The following ZNF91 variants were observed in gnomAD, a reference collection of about 807,000 sequenced individuals.
The protein encoded by ZNF91 is zinc finger protein 91.
ZNF91 carries 7 observed loss-of-function variants against 12.6 expected under a neutral mutation model. The observed-to-expected ratio is 0.55, with a 90% CI of 0.31 to 1.04. The LOEUF is 1.04. Among genes scored for constraint, ZNF91 ranks in the 50% least tolerant of loss-of-function variants. The pLI is 0.05. For missense variants in ZNF91, 1,217 were observed against 1,385.4 expected, an observed-to-expected ratio of 0.88 and a Z score of 1.93; for synonymous variants, 453 against 462.6, an observed-to-expected ratio of 0.98 and a Z score of 0.27.
At chr19:23,365,270 G>A (rs145080033) in intron 3 of ZNF91, among the ~76,000 whole-genome samples, 176 of 149,856 alleles carry the variant, frequency 1.2e-3, no homozygotes, top group African/African-American at 4.0e-3. Flanking sequence ...AAAAGTGAGC[G>A]TGTTCATCAC....
chr19:23,344,712 A>G (rs1274788685), intron 3 of ZNF91, among the ~76,000 whole-genome samples: 4 of 152,176 alleles, frequency 2.6e-5, no homozygotes, highest in African/African-American at 4.8e-5. Flanking sequence ...AGCAACCCCA[A>G]TAAGAATGTT....
chr19:23,385,393 G>A (rs972511982), intron 1 of ZNF91: 30 of 320,286 alleles, frequency 9.4e-5, no homozygotes, highest in Admixed American at 1.9e-4. Context: ...TTGCAGTTTT[G>A]TGATGGGTTT....
chr19:23,310,716 T>C (rs1054635506), upstream of ZNF91: 2 of 152,154 alleles, frequency 1.3e-5, no homozygotes, highest in Non-Finnish European at 2.9e-5. Context: ...GATGTGACTC[T>C]ACTCTTTCCT....
rs531781218 is a variant in ZNF91, at chr19:23,348,918, C to T, written c.254-9864G>A. On this transcript the variant is annotated intron_variant, in intron 3 of 3. Transcript: ENST00000599743. ...TTCCCAGGGGTAGGCCTACAGATGA[C>T]TGTTCTGGGAGTGTCTGTCTTATGC... Among the ~76,000 whole-genome samples the T allele has an allele frequency of 2.0e-5, 3 of 152,226 alleles. No individual in the cohort carries two copies. The South Asian group carries it at 6.2e-4, about 32-fold the overall frequency.
At chr19:23,355,034 C>T (rs1968451676), downstream of ZNF91, among the ~76,000 whole-genome samples, 1 of 152,102 alleles carries the variant, frequency 6.6e-6, no homozygotes, top group Non-Finnish European at 1.5e-5. Flanking sequence ...GACCATACTG[C>T]CAAAAGCAAT....
chr19:23,384,766 G>A (rs1338239110), intron 1 of ZNF91: 7 of 637,030 alleles, frequency 1.1e-5, no homozygotes, highest in East Asian at 8.4e-5. Context: ...TCAGCTCCCC[G>A]GGCATAGTAA....
At chr19:23,376,832 C>G (rs910062219) in intron 1 of ZNF91, among the ~76,000 whole-genome samples, 2 of 152,112 alleles carry the variant, frequency 1.3e-5, no homozygotes, top group African/African-American at 4.8e-5. Flanking sequence ...ACATGTTTAG[C>G]TGAAAAAAAG....
intron 3 of ZNF91, among the ~76,000 whole-genome samples, chr19:23,368,510 A>ATC (rs573590418): frequency 7.2e-4 from 68 of 94,314 alleles, no homozygotes; most frequent in Admixed American, 1.7e-3. Flanking sequence ...GCGAAACTCC[A>ATC]TCTCTCTCTC....
Position 23,359,383 on chromosome 19 carries a change from C to T in ZNF91, c.*20G>A, listed in dbSNP as rs559032423. ...GACTACAGGCGCCCGCCACCACGCC[C>T]GGCTAATTTTTTGTATTTTTTAGTA... is the stretch of plus-strand genomic sequence containing the variant. On this transcript the variant is annotated 3_prime_UTR_variant, in exon 4 of 4. Coordinates refer to ENST00000300619, the MANE Select transcript of ZNF91 (RefSeq NM_003430.4). 7.2e-5 allele frequency: 62 copies of T among 858,322 alleles called. No homozygotes were observed. Among genetic ancestry groups the T allele is most frequent in the Non-Finnish European group, 8.8e-5 (49 of 558,456 alleles). The allele number at this position is 858,322 out of a possible 1,614,324, so 53.2% of individuals were successfully genotyped here. A position where few individuals can be genotyped will look rare whatever the true frequency, so the allele number is the denominator to read the frequency against.
chr19:23,322,778 T>C (rs1365642959), intron 1 of ZNF91, among the ~76,000 whole-genome samples: 1 of 139,186 alleles, frequency 7.2e-6, no homozygotes, highest in Admixed American at 7.2e-5. Flanking sequence ...CTTTCTCCCC[T>C]CTTCTTCCTC....
intron 3 of ZNF91, among the ~76,000 whole-genome samples, chr19:23,347,466 C>T (rs1968259147): frequency 6.6e-6 from 1 of 152,060 alleles, no homozygotes; most frequent in Admixed American, 6.5e-5. Context: ...ACAAGTAGCC[C>T]TACAACCTGT....
chr19:23,323,553 T>C (rs1346450570), intron 1 of ZNF91, among the ~76,000 whole-genome samples: 2 of 150,692 alleles, frequency 1.3e-5, no homozygotes, highest in African/African-American at 4.9e-5. Flanking sequence ...TCTCTCCTCT[T>C]CCTTTTTCCT....
intron 3 of ZNF91, among the ~76,000 whole-genome samples, chr19:23,341,795 A>G (rs1968130529): frequency 6.6e-6 from 1 of 152,184 alleles, no homozygotes; most frequent in Non-Finnish European, 1.5e-5. Flanking sequence ...CTCCTCTTAC[A>G]CATTTCAGAC....
At chr19:23,379,579 T>C (rs1969621553) in intron 1 of ZNF91, among the ~76,000 whole-genome samples, 1 of 152,218 alleles carries the variant, frequency 6.6e-6, no homozygotes, top group Admixed American at 6.5e-5. Context: ...TAGTTCATCC[T>C]AAATTCACCT....
intron 1 of ZNF91, among the ~76,000 whole-genome samples, chr19:23,389,878 A>G (rs1398468740): frequency 2.0e-5 from 3 of 152,230 alleles, no homozygotes; most frequent in Non-Finnish European, 4.4e-5. Flanking sequence ...GATGCCAGTC[A>G]CAAACTCTAT....
rs777442535 is a variant in ZNF91 at position 23,373,778 on chromosome 19, T to C, written c.217A>G (p.Asn73Asp). The change falls in exon 3 of 4, where the codon AAT becomes GAT. Residue 73 changes from asparagine to aspartate, a missense_variant. Asn to Asp is a conservative substitution (Grantham distance 23). Transcript: ENST00000300619. ...TCCACCATCTCATGTTGCTTCATAT[T>C]CCAGGGCTCTTTTCCTTGCTCCAGA... ...TYLEQGKEPW[N>D]MKQHEMVDEP... The C allele has an allele frequency of 6.2e-7, 1 of 1,611,854 alleles. No individual in the cohort carries two copies. The highest frequency in any genetic ancestry group is 1.7e-5 in the Admixed American group (1 of 59,876).
intron 1 of ZNF91, among the ~76,000 whole-genome samples, chr19:23,389,807 C>T (rs1415058226): frequency 2.0e-5 from 3 of 152,156 alleles, no homozygotes; most frequent in South Asian, 4.1e-4. Flanking sequence ...ATTCTGACAC[C>T]ACCCAGAGTC....
intron 3 of ZNF91, among the ~76,000 whole-genome samples, chr19:23,365,760 G>C (rs1333125264): frequency 6.6e-6 from 1 of 152,148 alleles, no homozygotes; most frequent in East Asian, 1.9e-4. Context: ...TTAGGGAGTA[G>C]TGATGACTCT....
intron 3 of ZNF91, among the ~76,000 whole-genome samples, chr19:23,345,662 C>T (rs295389): frequency 0.1 from 15,677 of 151,730 alleles, 1,244 homozygotes; most frequent in East Asian, 0.37. Flanking sequence ...CCAGCCCCTA[C>T]CTCTCCCTCT....
Sources: allele counts gnomAD v4.1 joint callset (sites outside exome capture counted in the v4.1 genomes callset), GRCh38; gene constraint gnomAD v4.1.1; transcripts MANE v1.5; gene names NCBI Gene and HGNC (gene_info 2026-07-23, HGNC 2026-07-21).